The following LRRIQ3 variants were observed in gnomAD, a reference collection of about 807,000 sequenced individuals.
LRRIQ3 encodes leucine rich repeats and IQ motif containing 3.
A neutral mutation model predicts 59.3 loss-of-function variants in LRRIQ3; 75 were observed. That is an observed-to-expected ratio of 1.26 (90% CI 1.05 to 1.53). LRRIQ3 has a LOEUF of 1.53. Among genes scored for constraint, LRRIQ3 ranks in the 40% most tolerant of loss-of-function variants. The pLI, the probability that LRRIQ3 is intolerant of heterozygous loss-of-function variation, is 0.00. For missense variants in LRRIQ3, 831 were observed against 710.0 expected (o/e 1.17, Z -1.94); for synonymous variants, 250 against 231.3 (o/e 1.08, Z -0.73).
At chr1:74,192,133 G>C (rs1650806691) in intron 1 of LRRIQ3, among the ~76,000 whole-genome samples, 1 of 151,988 alleles carries the variant, frequency 6.6e-6, no homozygotes, top group Non-Finnish European at 1.5e-5. Flanking sequence ...GTGAAGAGTG[G>C]GGAGGTCTTT....
At chr1:74,179,462 C>T (rs556803208) in intron 3 of LRRIQ3, among the ~76,000 whole-genome samples, 33 of 151,852 alleles carry the variant, frequency 2.2e-4, no homozygotes, top group Non-Finnish European at 4.7e-4. Flanking sequence ...ATGTAGAATA[C>T]CAATTATATA....
chr1:74,180,336 C>T lies in LRRIQ3; in HGVS notation c.573+2202G>A, dbSNP rs1002692725. 9 of 167,664 alleles carry T rather than the reference C, an allele frequency of 5.4e-5. No homozygotes were observed. The South Asian group carries it at 1.4e-3, about 26-fold the overall frequency. The allele number at this position is 167,664 out of a possible 1,614,324, so 10.4% of individuals were successfully genotyped here. A position where few individuals can be genotyped will look rare whatever the true frequency, so the allele number is the denominator to read the frequency against. Reference sequence around the variant, plus strand: ...TCCTTAGTTTTCAGCCTTTATTGATCCCTGTATTTACCTGAGAGAACTAGG... The same window carrying T: ...TCCTTAGTTTTCAGCCTTTATTGATTCCTGTATTTACCTGAGAGAACTAGG... On this transcript the variant is annotated intron_variant, in intron 3 of 7. Coordinates refer to ENST00000354431, the MANE Select transcript of LRRIQ3 (RefSeq NM_001105659.2).
At chr1:74,052,131 A>T (rs1175970120) in intron 6 of LRRIQ3, among the ~76,000 whole-genome samples, 1 of 152,082 alleles carries the variant, frequency 6.6e-6, no homozygotes, top group Non-Finnish European at 1.5e-5. Flanking sequence ...TGAAGATCTA[A>T]ATTTCTCTAC....
chr1:74,087,884 G>A (rs1646346407), intron 5 of LRRIQ3, among the ~76,000 whole-genome samples: 1 of 151,854 alleles, frequency 6.6e-6, no homozygotes. Context: ...GGATCATGAG[G>A]TCAGGAGTTC....
intron 6 of LRRIQ3, among the ~76,000 whole-genome samples, chr1:74,054,003 T>C (rs1654448885): frequency 2.0e-5 from 3 of 152,278 alleles, no homozygotes; most frequent in East Asian, 1.9e-4. Context: ...AGCTGTCATG[T>C]TCCTTGGTAC....
intron 4 of LRRIQ3, among the ~76,000 whole-genome samples, chr1:74,130,991 T>A (rs1647008102): frequency 6.6e-6 from 1 of 152,002 alleles, no homozygotes; most frequent in Non-Finnish European, 1.5e-5. Flanking sequence ...CCAGCAAGAC[T>A]AATACAGAAG....
At chr1:74,141,212 T>C (rs753792573) in intron 4 of LRRIQ3, among the ~76,000 whole-genome samples, 8 of 151,940 alleles carry the variant, frequency 5.3e-5, no homozygotes, top group Non-Finnish European at 1.2e-4. Context: ...AACTAGGTTT[T>C]CTTTGGCTGC....
intron 5 of LRRIQ3, among the ~76,000 whole-genome samples, chr1:74,099,191 C>G (rs1646494056): frequency 6.6e-6 from 1 of 152,034 alleles, no homozygotes; most frequent in Admixed American, 6.6e-5. Context: ...AGACAAGAAT[C>G]AAATAGACAC....
rs533552565 is a variant in LRRIQ3, at chr1:74,069,664, A to G, written c.997+4997T>C. On this transcript the variant is annotated intron_variant, in intron 6 of 7. Coordinates refer to ENST00000354431, the MANE Select transcript of LRRIQ3 (RefSeq NM_001105659.2). The stretch of plus-strand genomic sequence containing the variant: ...CTAAAATGTCACATACAAGTAAATT[A>G]CCATTTATTTGATAATATAAATGAG... Among the ~76,000 whole-genome samples, 33 of 152,204 alleles carry G rather than the reference A, an allele frequency of 2.2e-4. 1 individual carries two copies. The South Asian group carries it at 6.8e-3, about 32-fold the overall frequency.
At chr1:74,058,708 A>G (rs1402247082) in intron 6 of LRRIQ3, among the ~76,000 whole-genome samples, 3 of 152,064 alleles carry the variant, frequency 2.0e-5, no homozygotes, top group Non-Finnish European at 4.4e-5. Context: ...AATAGCTAGA[A>G]GAGTGGACTT....
chr1:74,074,871 C>T (rs1646185666), intron 5 of LRRIQ3, 81 bp from the exon 6 acceptor site: 2 of 658,940 alleles, frequency 3.0e-6, no homozygotes, highest in East Asian at 3.4e-5. Context: ...ACATGAATTA[C>T]ATTATCATGA....
chr1:74,041,142 C>T (rs1479268762), intron 7 of LRRIQ3, 71 bp downstream of exon 7: 11 of 1,261,654 alleles, frequency 8.7e-6, no homozygotes, highest in South Asian at 1.5e-5. Context: ...ATTATTAGGT[C>T]TTAAAATTTA....
chr1:74,117,444 AG>A lies in LRRIQ3; in HGVS notation c.708-7892del, dbSNP rs199944522. Among the ~76,000 whole-genome samples the A allele has an allele frequency of 9.4e-3, 1,429 of 152,318 alleles. 13 individuals are homozygous for A. Among genetic ancestry groups the A allele is most frequent in the Non-Finnish European group, 0.015 (1,048 of 68,016 alleles). Reference sequence around the variant, plus strand: ...TAGTACAATTATTAGCAGAAATAATAGAAAAACAAATATTGTCTTGATAAGA... The same window carrying A: ...TAGTACAATTATTAGCAGAAATAATAAAAAACAAATATTGTCTTGATAAGA... On this transcript the variant is annotated intron_variant, in intron 4 of 7. Coordinates refer to ENST00000354431, the MANE Select transcript of LRRIQ3 (RefSeq NM_001105659.2).
intron 4 of LRRIQ3, chr1:74,138,537 A>G (rs1461402651): frequency 4.1e-6 from 4 of 975,452 alleles, no homozygotes; most frequent in African/African-American, 1.7e-5. Context: ...CAAAAGGAGA[A>G]AAACTGCAAG....
intron 4 of LRRIQ3, among the ~76,000 whole-genome samples, chr1:74,118,184 C>G (rs1268380680): frequency 1.3e-5 from 2 of 152,086 alleles, no homozygotes; most frequent in African/African-American, 4.8e-5. Context: ...TATACACACA[C>G]ACACACAATT....
intron 5 of LRRIQ3, among the ~76,000 whole-genome samples, chr1:74,080,270 T>C (rs925290601): frequency 6.6e-6 from 1 of 151,546 alleles, no homozygotes. Flanking sequence ...GGGGGAGACA[T>C]AGTATATTAA....
chr1:74,115,986 AAAAC>A (rs1553167611), intron 4 of LRRIQ3, among the ~76,000 whole-genome samples: 4 of 152,116 alleles, frequency 2.6e-5, no homozygotes, highest in Non-Finnish European at 5.9e-5. Flanking sequence ...ACAAAGAACT[AAAAC>A]AATATAAATG....
At chr1:74,139,096 A>ATG (rs1647181966) in intron 4 of LRRIQ3, among the ~76,000 whole-genome samples, 1 of 137,754 alleles carries the variant, frequency 7.3e-6, no homozygotes, top group Admixed American at 7.9e-5. Context: ...GTGTGTGTGT[A>ATG]TATATATATA....
chr1:74,177,423 T>C lies in LRRIQ3; in HGVS notation c.573+5115A>G, dbSNP rs1025603660. Reference sequence around the variant, plus strand: ...TCATGTAAGTTAATACTTAATAAACTCCTCTTTATATATATATCTATCTAT... The same window carrying C: ...TCATGTAAGTTAATACTTAATAAACCCCTCTTTATATATATATCTATCTAT... On this transcript the variant is annotated intron_variant, in intron 3 of 7. Transcript: ENST00000354431. Among the ~76,000 whole-genome samples, 14 of 152,198 alleles carry C rather than the reference T, an allele frequency of 9.2e-5. No homozygotes were observed. In the East Asian group the frequency reaches 2.7e-3, roughly 29 times the overall value.
Sources: gnomAD v4.1 joint callset for allele counts (sites outside exome capture counted in the v4.1 genomes callset) on GRCh38, gnomAD v4.1.1 for gene constraint, MANE v1.5 for transcripts, NCBI Gene and HGNC (gene_info 2026-07-23, HGNC 2026-07-21) for gene names.